KCND3: variants seen among roughly 807,000 people sequenced by gnomAD.
The protein encoded by KCND3 is potassium voltage-gated channel subfamily D member 3.
Under a neutral mutation model 51.1 loss-of-function variants are expected in KCND3, and 9 were observed. The observed-to-expected ratio is 0.18, with a 90% CI of 0.11 to 0.31. KCND3 has a LOEUF of 0.31. KCND3 is among the 10% of genes least tolerant of loss of function. The pLI is 1.00. For missense variants in KCND3, 526 were observed against 903.8 expected (o/e 0.58, Z 5.36); for synonymous variants, 349 against 368.0 (o/e 0.95, Z 0.59).
chr1:111,950,365 C>G (rs929011424), intron 2 of KCND3, among the ~76,000 whole-genome samples: 6 of 152,210 alleles, frequency 3.9e-5, no homozygotes, highest in Admixed American at 3.9e-4. Context: ...GACAACACCA[C>G]CTTCCGCCTG....
At chr1:111,952,562 C>T (rs530811510) in intron 2 of KCND3, among the ~76,000 whole-genome samples, 109 of 152,298 alleles carry the variant, frequency 7.2e-4, no homozygotes, top group African/African-American at 2.5e-3. Flanking sequence ...GCTGCCATTT[C>T]CCTGCCTTCC....
In KCND3 at chr1:111,786,931, G is replaced by T; in HGVS notation, c.1269+13C>A. 6.2e-7 allele frequency: 1 copy of T among 1,613,928 alleles called. No homozygotes were observed. Among genetic ancestry groups the T allele is most frequent in the African/African-American group, 1.3e-5 (1 of 75,012 alleles). On this transcript the variant is annotated intron_variant, in intron 3 of 7. Coordinates refer to ENST00000302127, the MANE Select transcript of KCND3 (RefSeq NM_001378969.1). ...CTTTACACTGCCCCCGCTTCCCTGC[G>T]TCTGAGGCTTACCTTTTGTGCCCTG...
intron 2 of KCND3, among the ~76,000 whole-genome samples, chr1:111,805,394 G>T (rs980532107): frequency 6.6e-6 from 1 of 152,176 alleles, no homozygotes; most frequent in African/African-American, 2.4e-5. Flanking sequence ...GGCCAGCCTT[G>T]TCCCCTCACC....
At chr1:111,943,372 C>CT (rs34706354) in intron 2 of KCND3, among the ~76,000 whole-genome samples, 31,325 of 152,108 alleles carry the variant, frequency 0.21, 3,426 homozygotes, top group Non-Finnish European at 0.23. Context: ...CCTCAGAGCA[C>CT]TGTTTCACTC....
intron 2 of KCND3, among the ~76,000 whole-genome samples, chr1:111,817,019 G>A (rs1666123058): frequency 6.6e-6 from 1 of 152,136 alleles, no homozygotes; most frequent in Admixed American, 6.5e-5. Flanking sequence ...AATATTTTGG[G>A]GGTACAGGTG....
In KCND3 at chr1:111,780,386, A is replaced by G. The variant is rs1379071169; in HGVS notation, c.1372-72T>C. 2 of 1,382,430 alleles carry G rather than the reference A, an allele frequency of 1.4e-6. No individual in the cohort carries two copies. Among genetic ancestry groups the G allele is most frequent in the African/African-American group, 2.9e-5 (2 of 69,594 alleles). The allele number at this position is 1,382,430 out of a possible 1,614,324, so 85.6% of individuals were successfully genotyped here. ...CCCTCTCCAGCTCCTTCATTTCTCCACTAAAGGTCAAAGGGCAATAGAATA... is the reference window on the plus strand; with the variant it reads ...CCCTCTCCAGCTCCTTCATTTCTCCGCTAAAGGTCAAAGGGCAATAGAATA... On this transcript the variant is annotated intron_variant, in intron 4 of 7. Transcript: ENST00000302127. This position sits in a 1 kb window ranked among gnomAD's most constrained non-coding sequence, Gnocchi z 4.2.
At chr1:111,927,550 G>A (rs1306802460) in intron 2 of KCND3, among the ~76,000 whole-genome samples, 1 of 152,260 alleles carries the variant, frequency 6.6e-6, no homozygotes, top group Non-Finnish European at 1.5e-5. Context: ...TGTGCAGAGG[G>A]AGAGAACCCT....
intron 2 of KCND3, among the ~76,000 whole-genome samples, chr1:111,787,525 A>G (rs571965343): frequency 8.3e-4 from 126 of 152,326 alleles, no homozygotes; most frequent in African/African-American, 2.9e-3. Flanking sequence ...CAGCAAGTAC[A>G]GAGGCCTTGA....
intron 2 of KCND3, among the ~76,000 whole-genome samples, chr1:111,847,297 A>G (rs1046981468): frequency 1.3e-5 from 2 of 152,188 alleles, no homozygotes; most frequent in Admixed American, 6.5e-5. Context: ...AAATTAGGTT[A>G]CAAAAGTATA....
intron 3 of KCND3, among the ~76,000 whole-genome samples, chr1:111,782,506 G>A (rs12407116): frequency 0.033 from 5,088 of 152,220 alleles, 127 homozygotes; most frequent in East Asian, 0.073. Context: ...TTTACTCCAT[G>A]GGAATCCTGC....
chr1:111,980,631 G>T (rs768731906), intron 2 of KCND3, among the ~76,000 whole-genome samples: 1 of 152,174 alleles, frequency 6.6e-6, no homozygotes, highest in Non-Finnish European at 1.5e-5. Flanking sequence ...ATTGTGGAGG[G>T]ATTTTGCATT....
intron 2 of KCND3, among the ~76,000 whole-genome samples, chr1:111,840,518 T>C (rs924043638): frequency 6.6e-6 from 1 of 151,996 alleles, no homozygotes; most frequent in Non-Finnish European, 1.5e-5. Flanking sequence ...GGGGGAAGTG[T>C]TTAGAGTTTT....
chr1:111,916,040 G>C (rs1446818029), intron 2 of KCND3, among the ~76,000 whole-genome samples: 1 of 152,104 alleles, frequency 6.6e-6, no homozygotes, highest in Non-Finnish European at 1.5e-5. Context: ...ATCAGGAGGG[G>C]TGTAAAAGAC....
intron 2 of KCND3, among the ~76,000 whole-genome samples, chr1:111,885,904 C>T (rs1669550249): frequency 6.6e-6 from 1 of 152,138 alleles, no homozygotes; most frequent in South Asian, 2.1e-4. Flanking sequence ...AACTCCTGAC[C>T]TCGTGATCCA....
At chr1:111,799,713 C>T (rs1665210080) in intron 2 of KCND3, among the ~76,000 whole-genome samples, 1 of 152,218 alleles carries the variant, frequency 6.6e-6, no homozygotes. Context: ...CTTGTAGAGA[C>T]ATAATTCCTT....
intron 2 of KCND3, among the ~76,000 whole-genome samples, chr1:111,833,702 C>A (rs1415673878): frequency 6.6e-6 from 1 of 152,210 alleles, no homozygotes; most frequent in Admixed American, 6.5e-5. Flanking sequence ...AACAGACTCT[C>A]TCAATATCAC....
intron 2 of KCND3, among the ~76,000 whole-genome samples, chr1:111,888,089 G>A (rs1333062355): frequency 2.0e-5 from 3 of 152,244 alleles, no homozygotes; most frequent in Admixed American, 6.5e-5. Context: ...GAGCTGGGAG[G>A]GCAGGGATTG....
At chr1:111,969,439 A>G (rs1674203079) in intron 2 of KCND3, among the ~76,000 whole-genome samples, 1 of 152,196 alleles carries the variant, frequency 6.6e-6, no homozygotes, top group African/African-American at 2.4e-5. Context: ...TGGCAATCCC[A>G]GTGGAAAATG....
chr1:111,957,931 T>A (rs1281712309), intron 2 of KCND3, among the ~76,000 whole-genome samples: 3 of 152,044 alleles, frequency 2.0e-5, no homozygotes, highest in Non-Finnish European at 4.4e-5. Context: ...GGCATGTTGG[T>A]GGGGTAAAAA....
Sources: allele counts gnomAD v4.1 joint callset (sites outside exome capture counted in the v4.1 genomes callset), GRCh38; gene constraint gnomAD v4.1.1; non-coding constraint Gnocchi (gnomAD v3.1); transcripts MANE v1.5; gene names NCBI Gene and HGNC (gene_info 2026-07-23, HGNC 2026-07-21).